Variants in SMAP2 observed in about 807,000 individuals in gnomAD.
SMAP2 encodes stromal membrane-associated protein 2.
SMAP2 carries 25 observed loss-of-function variants against 56.4 expected under a neutral mutation model. The observed-to-expected ratio is 0.44, with a 90% confidence interval of 0.32 to 0.62. The LOEUF is 0.62. SMAP2 is among the 20% of genes least tolerant of loss of function. SMAP2 has a pLI of 0.04. For missense variants in SMAP2, 388 were observed against 545.6 expected (o/e 0.71, Z 2.88); for synonymous variants, 157 against 181.7 (o/e 0.86, Z 1.09).
chr1:40,391,237 A>G (rs776094677), intron 1 of SMAP2, among the ~76,000 whole-genome samples: 5 of 152,208 alleles, frequency 3.3e-5, no homozygotes, highest in Non-Finnish European at 7.3e-5. Flanking sequence ...TGTTTTTAAT[A>G]TCAGTTTTCA....
At chr1:40,365,845 G>A (rs1644479283) in intron 2 of SMAP2, among the ~76,000 whole-genome samples, 1 of 151,734 alleles carries the variant, frequency 6.6e-6, no homozygotes, top group Non-Finnish European at 1.5e-5. Flanking sequence ...GAACAAAGCT[G>A]GATGGAGAAT....
At chr1:40,400,431 A>G (rs142530018) in intron 1 of SMAP2, among the ~76,000 whole-genome samples, 2 of 152,326 alleles carry the variant, frequency 1.3e-5, no homozygotes, top group African/African-American at 2.4e-5. Context: ...GGAGAAGAGA[A>G]TGTAAAAGTG....
intron 1 of SMAP2, among the ~76,000 whole-genome samples, chr1:40,381,956 G>T (rs1044794442): frequency 6.6e-6 from 1 of 152,106 alleles, no homozygotes; most frequent in Non-Finnish European, 1.5e-5. Flanking sequence ...GTTGATTTTT[G>T]AGGCTGAACA....
chr1:40,352,411 G>A (rs1261675808), intron 1 of SMAP2, among the ~76,000 whole-genome samples: 1 of 152,086 alleles, frequency 6.6e-6, no homozygotes, highest in Non-Finnish European at 1.5e-5. Context: ...TGCCTATAAT[G>A]TTCTCCTCCT....
intron 1 of SMAP2, among the ~76,000 whole-genome samples, chr1:40,357,441 C>T (rs371865037): frequency 1.3e-4 from 19 of 150,432 alleles, no homozygotes; most frequent in East Asian, 9.8e-4. Context: ...GGCCACAGAG[C>T]GAGATTCTGT....
chr1:40,399,880 A>G (rs886548699), intron 1 of SMAP2, among the ~76,000 whole-genome samples: 2 of 152,172 alleles, frequency 1.3e-5, no homozygotes, highest in Non-Finnish European at 2.9e-5. Context: ...GTTGAGGGGC[A>G]GTGGGTGGGA....
intron 8 of SMAP2, among the ~76,000 whole-genome samples, 197 bp from the exon 9 acceptor site, chr1:40,416,583 G>A (rs1052758244): frequency 2.0e-5 from 3 of 152,198 alleles, no homozygotes; most frequent in African/African-American, 7.2e-5. Flanking sequence ...GACCCTAAAG[G>A]GAAAATGGCT....
intron 1 of SMAP2, among the ~76,000 whole-genome samples, chr1:40,405,348 G>C (rs1644875553): frequency 6.6e-6 from 1 of 152,122 alleles, no homozygotes; most frequent in African/African-American, 2.4e-5. Context: ...TATTAGCCAG[G>C]CAGGGTGGCA....
At chr1:40,391,292 C>T (rs913923499) in intron 1 of SMAP2, among the ~76,000 whole-genome samples, 2 of 152,172 alleles carry the variant, frequency 1.3e-5, no homozygotes, top group African/African-American at 4.8e-5. Flanking sequence ...AGTAAGCATG[C>T]ATTAAGTGTA....
chr1:40,374,277 G>C lies in SMAP2; in HGVS notation c.103+54G>C, dbSNP rs957120269. ...GTCCAGCCGCGCCGGGGTGGTGGGG[G>C]TGGGCTGCGTGAAGAGGCGGTTTCT... On this transcript the variant is annotated intron_variant, in intron 1 of 9. Transcript: ENST00000372718. This position sits in a 1 kb window ranked among gnomAD's most constrained non-coding sequence, Gnocchi z 5.9. The C allele has an allele frequency of 6.8e-7, 1 of 1,464,574 alleles. No individual in the cohort carries two copies. Among genetic ancestry groups the C allele is most frequent in the East Asian group, 2.4e-5 (1 of 42,132 alleles). The allele number at this position is 1,464,574 out of a possible 1,614,324, so 90.7% of individuals were successfully genotyped here. A position where few individuals can be genotyped will look rare whatever the true frequency, so the allele number is the denominator to read the frequency against.
At chr1:40,395,541 T>A (rs1031746706) in intron 1 of SMAP2, among the ~76,000 whole-genome samples, 2 of 119,318 alleles carry the variant, frequency 1.7e-5, no homozygotes, top group Admixed American at 8.7e-5. Flanking sequence ...ATAATAATAA[T>A]AAAACAGGGC....
chr1:40,413,925 A>C (rs1644961439), intron 5 of SMAP2: 2 of 466,848 alleles, frequency 4.3e-6, no homozygotes, highest in Non-Finnish European at 7.8e-6. Flanking sequence ...CTGTCTCTTT[A>C]GGACACCAGA....
intron 1 of SMAP2, among the ~76,000 whole-genome samples, chr1:40,377,576 C>A (rs1262525818): frequency 6.6e-6 from 1 of 152,102 alleles, no homozygotes; most frequent in Admixed American, 6.5e-5. Context: ...AACTTTTGGA[C>A]TAACTTAGGT....
intron 1 of SMAP2, among the ~76,000 whole-genome samples, chr1:40,391,907 G>A (rs1212604026): frequency 6.6e-6 from 1 of 152,192 alleles, no homozygotes; most frequent in East Asian, 1.9e-4. Context: ...AGGAGATGAA[G>A]ACAGTAACTT....
rs1197901782 is a variant in SMAP2, at chr1:40,386,789, T to C, written c.103+12566T>C. ...TTATCTTTTATGATTCTGAAACCTA[T>C]CCACGATAAAAATCATTGGAAAGTA... On this transcript the variant is annotated intron_variant, in intron 1 of 9. Coordinates refer to ENST00000372718, the MANE Select transcript of SMAP2 (RefSeq NM_022733.3). This position sits in a 1 kb window ranked among gnomAD's most constrained non-coding sequence, Gnocchi z 4.1. Among the ~76,000 whole-genome samples, 1 of 151,594 alleles carries C rather than the reference T, an allele frequency of 6.6e-6. No individual in the cohort carries two copies. Among genetic ancestry groups the C allele is most frequent in the Non-Finnish European group, 1.5e-5 (1 of 67,914 alleles).
At chr1:40,350,259 G>A (rs941067460) in intron 1 of SMAP2, among the ~76,000 whole-genome samples, 1 of 152,190 alleles carries the variant, frequency 6.6e-6, no homozygotes, top group Admixed American at 6.6e-5. Context: ...GGTCAGTAGA[G>A]TACCCAAACA....
chr1:40,414,393 A>G (rs1228475970), intron 6 of SMAP2, among the ~76,000 whole-genome samples, 153 bp downstream of exon 6: 1 of 152,220 alleles, frequency 6.6e-6, no homozygotes, highest in East Asian at 1.9e-4. Flanking sequence ...ACATCTGAGC[A>G]GTTGCTCTAA....
chr1:40,370,856 T>TAAAAAAAAA, upstream of SMAP2, among the ~76,000 whole-genome samples: 1 of 132,508 alleles, frequency 7.5e-6, no homozygotes, highest in African/African-American at 2.6e-5. Context: ...TAAAGTATAA[T>TAAAAAAAAA]AAAAAAAAAA....
chr1:40,345,247 T>TA (rs1356880046), intron 1 of SMAP2, among the ~76,000 whole-genome samples: 1 of 151,772 alleles, frequency 6.6e-6, no homozygotes, highest in Admixed American at 6.6e-5. Context: ...TACAAAAAAT[T>TA]AAAAAATATA....
Sources: gnomAD v4.1 joint callset for allele counts (sites outside exome capture counted in the v4.1 genomes callset) on GRCh38, gnomAD v4.1.1 for gene constraint, Gnocchi (gnomAD v3.1) non-coding constraint, MANE v1.5 for transcripts, NCBI Gene and HGNC (gene_info 2026-07-23, HGNC 2026-07-21) for gene names.